ATR: variants seen among roughly 807,000 people sequenced by gnomAD.
ATR encodes the protein serine/threonine-protein kinase ATR.
ATR carries 142 observed loss-of-function variants against 305.3 expected under a neutral mutation model. The ratio of observed to expected loss-of-function variants is 0.47; its 90% CI spans 0.41 to 0.53. The LOEUF (loss-of-function observed/expected upper bound fraction) is 0.53. ATR is among the 20% of genes least tolerant of loss of function. The probability of loss-of-function intolerance (pLI) is 0.00; values close to 1 mark genes in which losing one functional copy is unlikely to be tolerated. For missense variants in ATR, 2,135 were observed against 3,133.1 expected (o/e 0.68, Z 7.60); for synonymous variants, 1,050 against 1,068.1 (o/e 0.98, Z 0.33).
chr3:142,508,911 G>A (rs778390746), intron 27 of ATR, among the ~76,000 whole-genome samples: 25 of 114,482 alleles, frequency 2.2e-4, no homozygotes, highest in South Asian at 6.4e-4. Flanking sequence ...GTGACAGAGC[G>A]AGACTCCGTA....
intron 42 of ATR, among the ~76,000 whole-genome samples, chr3:142,460,045 A>G (rs1053032172): frequency 2.0e-5 from 3 of 152,082 alleles, no homozygotes; most frequent in African/African-American, 7.2e-5. Flanking sequence ...CATATACAAT[A>G]TGTCATGCTC....
intron 1 of ATR, among the ~76,000 whole-genome samples, chr3:142,572,066 C>CTTTTTT (rs2035283890): frequency 6.8e-6 from 1 of 147,972 alleles, no homozygotes; most frequent in Non-Finnish European, 1.5e-5. Context: ...GCACCCGGCC[C>CTTTTTT]TTTTTCTTTT....
chr3:142,469,392 T>C lies in ATR; in HGVS notation c.6497A>G (p.Lys2166Arg), dbSNP rs1337844230. 2 of 1,613,820 alleles carry C rather than the reference T, an allele frequency of 1.2e-6. No individual in the cohort carries two copies. Among genetic ancestry groups the C allele is most frequent in the Admixed American group, 3.3e-5 (2 of 59,972 alleles). The change falls in exon 38 of 47, where the codon AAA becomes AGA. Residue 2166 changes from lysine to arginine, a missense_variant. Physicochemically the swap from Lys to Arg is conservative, Grantham distance 26 (BLOSUM62 2). Coordinates refer to ENST00000350721, the MANE Select transcript of ATR (RefSeq NM_001184.4). ...TTGTTGAGGATAGGCTAGAAATACTTTGGCTATTATTTCCATCAAGACAAC... is the reference window on the plus strand; with the variant it reads ...TTGTTGAGGATAGGCTAGAAATACTCTGGCTATTATTTCCATCAAGACAAC... ...VFVVLMEIIA[K>R]VFLAYPQQAM...
intron 36 of ATR, 89 bp downstream of exon 36, chr3:142,485,051 T>A: frequency 6.4e-7 from 1 of 1,562,708 alleles, no homozygotes; most frequent in Non-Finnish European, 8.8e-7. Context: ...AGAAAATACC[T>A]AGAATATGCT....
chr3:142,514,066 G>A (rs189253835), intron 25 of ATR, among the ~76,000 whole-genome samples: 5 of 151,208 alleles, frequency 3.3e-5, no homozygotes, highest in South Asian at 2.1e-4. Flanking sequence ...TCAAGAGATC[G>A]AGACCATCCT....
In ATR at chr3:142,555,603, G is replaced by A. The variant is rs557016566; in HGVS notation, c.2341+274C>T. 4.6e-5 allele frequency among the ~76,000 whole-genome samples: 7 copies of A among 152,164 alleles called. No homozygotes were observed. In the South Asian group the frequency reaches 1.2e-3, roughly 27 times the overall value. ...TCACTAAAGAAGATAATCTAATATT[G>A]AATCTTACAATATTGAAACAACCAT... On this transcript the variant is annotated intron_variant, in intron 10 of 46. Coordinates refer to ENST00000350721, the MANE Select transcript of ATR (RefSeq NM_001184.4).
intron 36 of ATR, among the ~76,000 whole-genome samples, chr3:142,481,230 G>A (rs903819486): frequency 8.5e-5 from 13 of 152,298 alleles, no homozygotes; most frequent in Admixed American, 3.3e-4. Flanking sequence ...TCTTGGAACC[G>A]CCCCTCTGAA....
intron 12 of ATR, 21 bp downstream of exon 12, chr3:142,553,619 C>T (rs984357678): frequency 2.0e-5 from 32 of 1,576,304 alleles, no homozygotes; most frequent in Non-Finnish European, 2.5e-5. Flanking sequence ...TAAGGAAGAA[C>T]ACAAATGCTG....
intron 30 of ATR, chr3:142,500,027 A>G (rs2031872250): frequency 9.0e-6 from 2 of 222,364 alleles, no homozygotes; most frequent in African/African-American, 4.7e-5. Context: ...GCCCATTGTA[A>G]AAATAGCTGC....
chr3:142,498,884 C>T (rs929799244), intron 31 of ATR, 110 bp from the exon 32 acceptor site: 144 of 1,072,412 alleles, frequency 1.3e-4, no homozygotes, highest in Non-Finnish European at 1.8e-4. Flanking sequence ...TGGCTTCATT[C>T]CTTTTTTTTT....
chr3:142,458,431 T>G (rs1159398373), intron 44 of ATR, among the ~76,000 whole-genome samples: 3 of 152,184 alleles, frequency 2.0e-5, no homozygotes, highest in East Asian at 1.9e-4. Context: ...AAGAAAATAG[T>G]GCGCTAACCT....
At chr3:142,507,477 C>T (rs1216198105) in intron 28 of ATR, among the ~76,000 whole-genome samples, 2 of 152,226 alleles carry the variant, frequency 1.3e-5, no homozygotes, top group African/African-American at 4.8e-5. Flanking sequence ...GACCATAACA[C>T]TTCCCTAGTT....
At chr3:142,493,405 C>G in intron 34 of ATR, 94 bp from the exon 35 acceptor site, 7 of 1,313,264 alleles carry the variant, frequency 5.3e-6, no homozygotes, top group Non-Finnish European at 6.2e-6. Flanking sequence ...TGTACAAATC[C>G]ATTTGTAATT....
At chr3:142,462,750 G>A (rs944125122) in intron 41 of ATR, among the ~76,000 whole-genome samples, 12 of 152,190 alleles carry the variant, frequency 7.9e-5, no homozygotes, top group Non-Finnish European at 1.0e-4. Context: ...TTACAGGCAT[G>A]AGCCACTGTG....
chr3:142,542,523 C>CA lies in ATR; in HGVS notation c.3450+141dup, dbSNP rs551450486. 2.5e-4 allele frequency: 206 copies of CA among 839,602 alleles called. 1 individual carries two copies. In the East Asian group the frequency reaches 4.6e-3, roughly 19 times the overall value. The allele number at this position is 839,602 out of a possible 1,614,324, so 52.0% of individuals were successfully genotyped here. On this transcript the variant is annotated intron_variant, in intron 17 of 46. Coordinates refer to ENST00000350721, the MANE Select transcript of ATR (RefSeq NM_001184.4). ...AATACAATTCCAATTTTTAGACTCC[C>CA]AAAAAACGTATATGAGTTCTTCAGC...
rs1000929934 is a variant in ATR at position 142,549,489 on chromosome 3, T to C, written c.3161A>G (p.His1054Arg). Residue 1054 changes from histidine (H) to arginine (R), a missense_variant, in exon 15 of 47, where the codon CAT becomes CGT. His to Arg is a conservative substitution (Grantham distance 29). Transcript: ENST00000350721. ...GAAATATTCAATTACCTTCAGATAA[T>C]GAAGGGCACGTTCTAATTCATCTTT... ...CSKDELERAL[H>R]YLKNETEIEL... is the part of the protein sequence containing the mutation. 15 of 1,589,176 alleles carry C rather than the reference T, an allele frequency of 9.4e-6. No individual in the cohort carries two copies. The highest frequency in any genetic ancestry group is 1.3e-5 in the Non-Finnish European group (15 of 1,168,188).
At chr3:142,532,637 T>C (rs574217743) in intron 21 of ATR, among the ~76,000 whole-genome samples, 4 of 152,238 alleles carry the variant, frequency 2.6e-5, no homozygotes, top group Non-Finnish European at 5.9e-5. Context: ...TATCTAATGC[T>C]ATACCAGCGA....
Position 142,513,564 on chromosome 3 carries a change from G to T in ATR, c.4578C>A (p.Ile1526=). 1 of 1,613,240 alleles carries T rather than the reference G, an allele frequency of 6.2e-7. No individual in the cohort carries two copies. The highest frequency in any genetic ancestry group is 1.1e-5 in the South Asian group (1 of 91,068). Residue 1526 remains isoleucine, a synonymous_variant, in exon 26 of 47, where the codon ATC becomes ATA. Transcript: ENST00000350721. ...IMMKHDFKVT[I]YLLPHILVYV... Reference sequence around the variant, plus strand: ...ACACCAGAATATGTGGAAGAAGATAGATGGTCACTTTGAAATCATGCTTCA... The same window carrying T: ...ACACCAGAATATGTGGAAGAAGATATATGGTCACTTTGAAATCATGCTTCA...
Position 142,532,428 on chromosome 3 carries a change from A to G in ATR, c.3945+2652T>C, listed in dbSNP as rs1577647588. ...CAGAAACCAATTATATGGTTTCTTA[A>G]TTTGATCTCTAGTCTGACTTTTCTA... is the stretch of plus-strand genomic sequence containing the variant. On this transcript the variant is annotated intron_variant, in intron 21 of 46. Coordinates refer to ENST00000350721, the MANE Select transcript of ATR (RefSeq NM_001184.4). Among the ~76,000 whole-genome samples the G allele has an allele frequency of 2.0e-5, 3 of 152,282 alleles. No individual in the cohort carries two copies. In the South Asian group the frequency reaches 6.2e-4, roughly 32 times the overall value.
Sources: allele counts gnomAD v4.1 joint callset (sites outside exome capture counted in the v4.1 genomes callset), GRCh38; gene constraint gnomAD v4.1.1; transcripts MANE v1.5; gene names NCBI Gene and HGNC (gene_info 2026-07-23, HGNC 2026-07-21).